Variants in HMGXB3 observed in about 807,000 individuals in gnomAD.
HMGXB3 encodes HMG-box containing 3, also known as HMG domain-containing protein 3.
In HMGXB3, 45 loss-of-function variants were observed where a neutral mutation model predicts 121.5. That is an observed-to-expected ratio of 0.37 (90% confidence interval 0.29 to 0.47). The LOEUF (loss-of-function observed/expected upper bound fraction) is 0.47, where lower values mean the gene tolerates loss of function less well. Among genes scored for constraint, HMGXB3 ranks in the 20% least tolerant of loss-of-function variants. HMGXB3 has a pLI of 0.99. For synonymous variants in HMGXB3, 590 were observed against 624.1 expected, an observed-to-expected ratio of 0.95 and a Z score of 0.81; for missense variants, 1,376 against 1,602.2, an observed-to-expected ratio of 0.86 and a Z score of 2.41.
chr5:150,048,383 C>G (rs1433043070), intron 17 of HMGXB3, among the ~76,000 whole-genome samples, 186 bp from the exon 18 acceptor site: 1 of 126,546 alleles, frequency 7.9e-6, no homozygotes, highest in East Asian at 2.1e-4. Flanking sequence ...GTGACCTAAT[C>G]CTTTCAGGGC....
rs184776818 is a variant in HMGXB3 at position 150,037,723 on chromosome 5, T to C, written c.2413+196T>C. 2.6e-5 allele frequency among the ~76,000 whole-genome samples: 4 copies of C among 152,262 alleles called. No individual in the cohort carries two copies. In the East Asian group the frequency reaches 5.8e-4, roughly 22 times the overall value. On this transcript the variant is annotated intron_variant, in intron 13 of 19. Transcript: ENST00000502717. ...CAAGTGTTGAAGCTCTCAACTGGGA[T>C]CTTTAAAATAACAGATCTTCATTGT...
At chr5:150,040,210 G>GTATT (rs908720478) in intron 13 of HMGXB3, among the ~76,000 whole-genome samples, 21 of 151,872 alleles carry the variant, frequency 1.4e-4, no homozygotes, top group Non-Finnish European at 5.9e-5. Flanking sequence ...GTTTAATGAT[G>GTATT]TATTATAGGC....
At chr5:150,014,775 G>T in intron 5 of HMGXB3, 1 of 366,870 alleles carries the variant, frequency 2.7e-6, no homozygotes, top group South Asian at 3.4e-5. Flanking sequence ...GCCCTCTCTA[G>T]GAGTTTAATC....
rs574083932 is a variant in HMGXB3 at position 150,025,931 on chromosome 5, T to C, written c.1461-775T>C. Reference sequence around the variant, plus strand: ...CTGCAAGCTCCGCCTCCCGGGTCCATGCCATTCTCCTGCCTCAGCCTCCCG... The same window carrying C: ...CTGCAAGCTCCGCCTCCCGGGTCCACGCCATTCTCCTGCCTCAGCCTCCCG... On this transcript the variant is annotated intron_variant, in intron 7 of 19. Transcript: ENST00000502717. Among the ~76,000 whole-genome samples, 20 of 151,034 alleles carry C rather than the reference T, an allele frequency of 1.3e-4. No homozygotes were observed. In the East Asian group the frequency reaches 3.1e-3, roughly 24 times the overall value.
chr5:150,003,977 A>T (rs78762770), intron 1 of HMGXB3, among the ~76,000 whole-genome samples: 2,244 of 151,866 alleles, frequency 0.015, 63 homozygotes, highest in African/African-American at 0.052. Flanking sequence ...CCCAAAAACA[A>T]ACCCTTTTCA....
Position 150,018,631 on chromosome 5 carries a change from C to A in HMGXB3, c.975C>A (p.Val325=). ...GCCCAGGGTGCTCCTTTACATATGTCACCAGGCACAAGCCACCTAAGTGCC... is the reference window on the plus strand; with the variant it reads ...GCCCAGGGTGCTCCTTTACATATGTAACCAGGCACAAGCCACCTAAGTGCC... ...CTSPGCSFTY[V]TRHKPPKCPT... Residue 325 remains valine (V), a synonymous_variant, in exon 6 of 20, where the codon GTC becomes GTA. Coordinates refer to ENST00000502717, the MANE Select transcript of HMGXB3 (RefSeq NM_014983.3). 1 of 1,551,268 alleles carries A rather than the reference C, an allele frequency of 6.4e-7. No individual in the cohort carries two copies. Among genetic ancestry groups the A allele is most frequent in the Non-Finnish European group, 8.7e-7 (1 of 1,146,754 alleles).
chr5:150,036,847 C>T lies in HMGXB3; in HGVS notation c.2195C>T (p.Thr732Ile). ...ILSNVSEETV[T>I]IEQTSWSNYY... ...TCCAACGTGAGTGAGGAGACAGTCA[C>T]CATCGAGCAAACCTCTTGGTCGAAT... Residue 732 changes from threonine to isoleucine, a missense_variant, in exon 12 of 20, where the codon ACC becomes ATC. Physicochemically the swap from Thr to Ile is moderately conservative, Grantham distance 89 (BLOSUM62 -1). Coordinates refer to ENST00000502717, the MANE Select transcript of HMGXB3 (RefSeq NM_014983.3). 2.6e-6 allele frequency: 4 copies of T among 1,551,712 alleles called. No homozygotes were observed. The highest frequency in any genetic ancestry group is 1.2e-5 in the South Asian group (1 of 84,060).
Position 150,050,555 on chromosome 5 carries a change from C to A in HMGXB3, c.3411+94C>A. On this transcript the variant is annotated intron_variant, in intron 19 of 19. Transcript: ENST00000502717. ...GGAGTGCAGTGGTGTTATCTCGGCT[C>A]ACTGCAACCTCTGCCTCCCAGGTTC... The A allele has an allele frequency of 4.2e-6, 4 of 941,402 alleles. No individual in the cohort carries two copies. The East Asian group carries it at 8.1e-5, about 19-fold the overall frequency. The allele number at this position is 941,402 out of a possible 1,614,324, so 58.3% of individuals were successfully genotyped here.
In HMGXB3 at chr5:150,051,908, C is replaced by T. The variant is rs1186859354; in HGVS notation, c.3595C>T (p.Pro1199Ser). 4 of 1,551,952 alleles carry T rather than the reference C, an allele frequency of 2.6e-6. No individual in the cohort carries two copies. In the African/African-American group the frequency reaches 4.1e-5, roughly 16 times the overall value. Residue 1199 changes from proline (P) to serine (S), a missense_variant, in exon 20 of 20, where the codon CCT (proline) becomes TCT (serine). Around this residue, in one of 2 missense-constraint regions of HMGXB3, gnomAD observed 260 missense variants for 233.2 expected, o/e 1.11. Coordinates refer to ENST00000502717, the MANE Select transcript of HMGXB3 (RefSeq NM_014983.3). ...HSLALCPELA[P>S]YATILASIVD... ...CTTGGCCCTGTGCCCTGAATTGGCA[C>T]CTTACGCAACCATCCTGGCCTCCAT...
In HMGXB3 at chr5:150,026,695, ATTC is replaced by A. The variant is rs2113743776; in HGVS notation, c.1461-8_1461-6del. The A allele has an allele frequency of 5.8e-6, 9 of 1,546,090 alleles. No homozygotes were observed. Among genetic ancestry groups the A allele is most frequent in the Non-Finnish European group, 7.9e-6 (9 of 1,145,158 alleles). The stretch of plus-strand genomic sequence containing the variant: ...CCAGAATTTCCAGATTTCTCTTCTT[ATTC>A]TTTTCAGAGCTGACCTGCTTACCCC... On this transcript the variant is annotated splice_region_variant and splice_polypyrimidine_tract_variant and intron_variant, in intron 7 of 19. Transcript: ENST00000502717.
At position 150,048,632 on chromosome 5, in the gene HMGXB3, C is replaced by G; in HGVS notation, c.3148C>G (p.Arg1050Gly). ...ESVQNGARAIRPPRHFTGGKI... is the reference protein window; with the variant it reads ...ESVQNGARAIGPPRHFTGGKI... Reference sequence around the variant, plus strand: ...TGTACAGAATGGAGCTAGAGCTATACGGCCCCCACGTCACTTCACAGGTGG... The same window carrying G: ...TGTACAGAATGGAGCTAGAGCTATAGGGCCCCCACGTCACTTCACAGGTGG... Residue 1050 changes from arginine (R) to glycine (G), a missense_variant, in exon 18 of 20, where the codon CGG becomes GGG. By Grantham distance (125) the Arg-to-Gly change is moderately radical. Transcript: ENST00000502717. 6.4e-7 allele frequency: 1 copy of G among 1,551,824 alleles called. No individual in the cohort carries two copies. Among genetic ancestry groups the G allele is most frequent in the Non-Finnish European group, 8.7e-7 (1 of 1,146,948 alleles).
intron 9 of HMGXB3, among the ~76,000 whole-genome samples, chr5:150,028,541 G>GTGTGTGTGTATATA (rs1203886454): frequency 5.5e-4 from 23 of 42,084 alleles, no homozygotes; most frequent in Non-Finnish European, 8.5e-4. Flanking sequence ...GTGTGTGTGT[G>GTGTGTGTGTATATA]TATATATATA....
intron 4 of HMGXB3, 130 bp downstream of exon 4, chr5:150,010,738 T>TA: frequency 1.1e-6 from 1 of 896,950 alleles, no homozygotes; most frequent in Non-Finnish European, 1.7e-6. Flanking sequence ...ATACTGCAGT[T>TA]CTCTTGAATG....
At chr5:150,048,949 C>T (rs1049057731) in intron 18 of HMGXB3, among the ~76,000 whole-genome samples, 7 of 152,204 alleles carry the variant, frequency 4.6e-5, no homozygotes, top group African/African-American at 1.4e-4. Context: ...ACAAAGATGT[C>T]GTTCCTCCCT....
Position 150,052,243 on chromosome 5 carries a change from C to T in HMGXB3, c.*51C>T, listed in dbSNP as rs189006398. 15 of 1,406,528 alleles carry T rather than the reference C, an allele frequency of 1.1e-5. No homozygotes were observed. Among genetic ancestry groups the T allele is most frequent in the Non-Finnish European group, 1.4e-5 (15 of 1,041,062 alleles). The allele number at this position is 1,406,528 out of a possible 1,614,324, so 87.1% of individuals were successfully genotyped here. On this transcript the variant is annotated 3_prime_UTR_variant, in exon 20 of 20. Transcript: ENST00000502717. ...CCATCTCTCAAGCCATAGTAAGGCC[C>T]TTGCCTGAGGCAGAGCTATCCAGGG...
chr5:150,031,291 G>T (rs1756371602), intron 10 of HMGXB3, among the ~76,000 whole-genome samples: 2 of 152,230 alleles, frequency 1.3e-5, no homozygotes, highest in African/African-American at 4.8e-5. Context: ...GTTTAGCCTA[G>T]TGTTTCCCAC....
intron 5 of HMGXB3, among the ~76,000 whole-genome samples, chr5:150,017,049 TGA>T (rs1216362802): frequency 1.3e-5 from 2 of 152,364 alleles, no homozygotes; most frequent in African/African-American, 4.8e-5. Context: ...TTATTTCTCC[TGA>T]GTCTTTATTC....
At chr5:150,041,638 C>G in intron 14 of HMGXB3, 147 bp from the exon 15 acceptor site, 3 of 632,326 alleles carry the variant, frequency 4.7e-6, no homozygotes, top group Admixed American at 3.0e-5. Flanking sequence ...GGCCAGATCC[C>G]TGACCCTCAG....
intron 6 of HMGXB3, among the ~76,000 whole-genome samples, chr5:150,019,468 A>C (rs1237597040): frequency 6.6e-6 from 1 of 152,220 alleles, no homozygotes; most frequent in Non-Finnish European, 1.5e-5. Flanking sequence ...GTTCCGTTTA[A>C]CATGTTGTCA....
Sources: allele counts gnomAD v4.1 joint callset (sites outside exome capture counted in the v4.1 genomes callset), GRCh38; gene constraint gnomAD v4.1.1; regional missense constraint gnomAD v4.1.1; transcripts MANE v1.5; gene names NCBI Gene and HGNC (gene_info 2026-07-23, HGNC 2026-07-21).